Variants in GNPNAT1 observed in about 807,000 individuals in gnomAD.
GNPNAT1 encodes glucosamine 6-phosphate N-acetyltransferase.
In GNPNAT1, 11 loss-of-function variants were observed where a neutral mutation model predicts 19.8. That is an observed-to-expected ratio of 0.56 (90% CI 0.35 to 0.92). The LOEUF is 0.92. Among genes scored for constraint, GNPNAT1 ranks in the 40% least tolerant of loss-of-function variants. GNPNAT1 has a pLI of 0.01. For synonymous variants in GNPNAT1, 71 were observed against 72.3 expected (o/e 0.98, Z 0.09); for missense variants, 157 against 211.0 (o/e 0.74, Z 1.59).
Position 52,778,273 on chromosome 14 carries a change from G to T in GNPNAT1, c.*38C>A. 6.7e-7 allele frequency: 1 copy of T among 1,502,898 alleles called. No homozygotes were observed. The highest frequency in any genetic ancestry group is 9.0e-7 in the Non-Finnish European group (1 of 1,112,098). The allele number at this position is 1,502,898 out of a possible 1,614,324, so 93.1% of individuals were successfully genotyped here. Reference sequence around the variant, plus strand: ...TCAACTCTAGGAAGAGTGTAGCCTTGTAGCATTAGCCCCTTTGACAATTTT... The same window carrying T: ...TCAACTCTAGGAAGAGTGTAGCCTTTTAGCATTAGCCCCTTTGACAATTTT... On this transcript the variant is annotated 3_prime_UTR_variant, in exon 6 of 6. Coordinates refer to ENST00000216410, the MANE Select transcript of GNPNAT1 (RefSeq NM_198066.4).
chr14:52,780,305 C>CT (rs371973808), intron 5 of GNPNAT1, among the ~76,000 whole-genome samples: 259 of 152,218 alleles, frequency 1.7e-3, no homozygotes, highest in African/African-American at 6.0e-3. Flanking sequence ...TGTATTTCTA[C>CT]AACTTATGAG....
Position 52,777,418 on chromosome 14 carries a change from T to A in GNPNAT1, c.*893A>T, listed in dbSNP as rs367804416. 6.6e-6 allele frequency: 1 copy of A among 152,300 alleles called. No individual in the cohort carries two copies. Among genetic ancestry groups the A allele is most frequent in the Non-Finnish European group, 1.5e-5 (1 of 68,046 alleles). 9.4% of individuals were successfully genotyped at this position (152,300 alleles called of 1,614,324 possible). A position where few individuals can be genotyped will look rare whatever the true frequency, so the allele number is the denominator to read the frequency against. On this transcript the variant is annotated 3_prime_UTR_variant, in exon 6 of 6. Transcript: ENST00000216410. Reference sequence around the variant, plus strand: ...TCAAAAAGCTTCCATTAACATTTTATGAATTTGGCAATCTAGTACAATACA... The same window carrying A: ...TCAAAAAGCTTCCATTAACATTTTAAGAATTTGGCAATCTAGTACAATACA...
At chr14:52,778,489 G>T in intron 5 of GNPNAT1, 31 bp from the exon 6 acceptor site, 1 of 1,556,552 alleles carries the variant, frequency 6.4e-7, no homozygotes, top group South Asian at 1.2e-5. Flanking sequence ...AGGGTGAGGA[G>T]ATAGCATTTA....
Position 52,775,636 on chromosome 14 carries a change from T to TA in GNPNAT1, c.*2674dup, listed in dbSNP as rs1882688281. ...GGCCAGACACGGTAGCCGACATATGTAATCCCAGATACTCTGGAGGCTGAG... is the reference window on the plus strand; with the variant it reads ...GGCCAGACACGGTAGCCGACATATGTAAATCCCAGATACTCTGGAGGCTGAG... On this transcript the variant is annotated 3_prime_UTR_variant, in exon 6 of 6. Transcript: ENST00000216410. 1.3e-5 allele frequency: 2 copies of TA among 152,198 alleles called. No homozygotes were observed. The highest frequency in any genetic ancestry group is 4.1e-4 in the South Asian group (2 of 4,826). 9.4% of individuals were successfully genotyped at this position (152,198 alleles called of 1,614,324 possible).
intron 5 of GNPNAT1, among the ~76,000 whole-genome samples, chr14:52,779,724 TAAAAAA>T (rs35906707): frequency 1.6e-4 from 6 of 38,214 alleles, no homozygotes; most frequent in African/African-American, 2.3e-4. Flanking sequence ...TCCCATCTCT[TAAAAAA>T]AAAAAAAAAA....
intron 5 of GNPNAT1, among the ~76,000 whole-genome samples, chr14:52,778,892 A>C (rs1048569924): frequency 6.6e-6 from 1 of 152,072 alleles, no homozygotes; most frequent in South Asian, 2.1e-4. Flanking sequence ...GCACATGCCT[A>C]AAGTCGCAGC....
chr14:52,776,256 AAAAGTT>A lies in GNPNAT1; in HGVS notation c.*2049_*2054del, dbSNP rs1882716270. 1 of 152,194 alleles carries A rather than the reference AAAAGTT, an allele frequency of 6.6e-6. No individual in the cohort carries two copies. Among genetic ancestry groups the A allele is most frequent in the African/African-American group, 2.4e-5 (1 of 41,456 alleles). 9.4% of individuals were successfully genotyped at this position (152,194 alleles called of 1,614,324 possible). On this transcript the variant is annotated 3_prime_UTR_variant, in exon 6 of 6. Coordinates refer to ENST00000216410, the MANE Select transcript of GNPNAT1 (RefSeq NM_198066.4). Reference sequence around the variant, plus strand: ...CCACAAGGAGCAGTTTTTAAAAAAAAAAAGTTTAAGAAGTGTTTTATGTAGCACTTT... The same window carrying A: ...CCACAAGGAGCAGTTTTTAAAAAAAATAAGAAGTGTTTTATGTAGCACTTT...
chr14:52,776,261 T>C lies in GNPNAT1; in HGVS notation c.*2050A>G, dbSNP rs1370952801. 1 of 151,942 alleles carries C rather than the reference T, an allele frequency of 6.6e-6. No individual in the cohort carries two copies. Among genetic ancestry groups the C allele is most frequent in the African/African-American group, 2.4e-5 (1 of 41,352 alleles). 9.4% of individuals were successfully genotyped at this position (151,942 alleles called of 1,614,324 possible). ...AGGAGCAGTTTTTAAAAAAAAAAAGTTTAAGAAGTGTTTTATGTAGCACTT... is the reference window on the plus strand; with the variant it reads ...AGGAGCAGTTTTTAAAAAAAAAAAGCTTAAGAAGTGTTTTATGTAGCACTT... On this transcript the variant is annotated 3_prime_UTR_variant, in exon 6 of 6. Coordinates refer to ENST00000216410, the MANE Select transcript of GNPNAT1 (RefSeq NM_198066.4).
chr14:52,790,899 A>G (rs1883156131), intron 1 of GNPNAT1, among the ~76,000 whole-genome samples: 1 of 152,158 alleles, frequency 6.6e-6, no homozygotes, highest in Admixed American at 6.5e-5. Context: ...TAGGGGTAGG[A>G]GCCTAGGAAA....
rs1882751159 is a variant in GNPNAT1 at position 52,777,077 on chromosome 14, A to G, written c.*1234T>C. 6.6e-6 allele frequency: 1 copy of G among 152,282 alleles called. No individual in the cohort carries two copies. The highest frequency in any genetic ancestry group is 2.4e-5 in the African/African-American group (1 of 41,462). 9.4% of individuals were successfully genotyped at this position (152,282 alleles called of 1,614,324 possible). A position where few individuals can be genotyped will look rare whatever the true frequency, so the allele number is the denominator to read the frequency against. On this transcript the variant is annotated 3_prime_UTR_variant, in exon 6 of 6. Coordinates refer to ENST00000216410, the MANE Select transcript of GNPNAT1 (RefSeq NM_198066.4). ...TGGAAAGCCAACTATAGCTGGCTGCATGGAGGGAAATCCAAAATCCAGATG... is the reference window on the plus strand; with the variant it reads ...TGGAAAGCCAACTATAGCTGGCTGCGTGGAGGGAAATCCAAAATCCAGATG...
chr14:52,780,272 A>T (rs965654900), intron 5 of GNPNAT1, among the ~76,000 whole-genome samples: 6 of 152,250 alleles, frequency 3.9e-5, no homozygotes, highest in African/African-American at 1.2e-4. Flanking sequence ...ATTTAGATAT[A>T]TACAGTGAAG....
chr14:52,784,144 C>G (rs190981328), intron 2 of GNPNAT1, among the ~76,000 whole-genome samples: 8 of 152,164 alleles, frequency 5.3e-5, no homozygotes, highest in African/African-American at 1.9e-4. Flanking sequence ...GTATAAAAAC[C>G]CTTTCAATTT....
chr14:52,779,960 G>A (rs1013404135), intron 5 of GNPNAT1, among the ~76,000 whole-genome samples: 5 of 152,054 alleles, frequency 3.3e-5, no homozygotes, highest in African/African-American at 7.2e-5. Flanking sequence ...GCCAAGGCAG[G>A]AGCACTGTTT....
chr14:52,779,724 T>TAAAAAAA (rs35906707), intron 5 of GNPNAT1, among the ~76,000 whole-genome samples: 2 of 38,212 alleles, frequency 5.2e-5, no homozygotes, highest in Non-Finnish European at 8.4e-5. Flanking sequence ...TCCCATCTCT[T>TAAAAAAA]AAAAAAAAAA....
chr14:52,781,528 A>G (rs1249596010), intron 4 of GNPNAT1, among the ~76,000 whole-genome samples: 4 of 152,068 alleles, frequency 2.6e-5, no homozygotes, highest in African/African-American at 9.7e-5. Flanking sequence ...AAAGAGTAAC[A>G]TTAGGGATTT....
At chr14:52,782,163 C>T (rs1882908244) in intron 3 of GNPNAT1, among the ~76,000 whole-genome samples, 1 of 152,008 alleles carries the variant, frequency 6.6e-6, no homozygotes, top group Non-Finnish European at 1.5e-5. Context: ...TTTAGATGAA[C>T]AACACTTAAA....
Position 52,778,303 on chromosome 14 carries a change from C to A in GNPNAT1, c.*8G>T, listed in dbSNP as rs558825514. On this transcript the variant is annotated 3_prime_UTR_variant, in exon 6 of 6. Transcript: ENST00000216410. Reference sequence around the variant, plus strand: ...ATTAGCCCCTTTGACAATTTTCTTACAAGATTTTTACTTTAGAAACCTCCG... The same window carrying A: ...ATTAGCCCCTTTGACAATTTTCTTAAAAGATTTTTACTTTAGAAACCTCCG... 830 of 1,574,282 alleles carry A rather than the reference C, an allele frequency of 5.3e-4. 15 individuals carry two copies. The South Asian group carries it at 9.2e-3, about 17-fold the overall frequency.
At chr14:52,785,985 G>A (rs530012665) in intron 1 of GNPNAT1, among the ~76,000 whole-genome samples, 405 of 149,440 alleles carry the variant, frequency 2.7e-3, no homozygotes, top group Non-Finnish European at 4.5e-3. Context: ...TCCTGACCTC[G>A]GGTGATTCGC....
At chr14:52,786,989 C>A (rs1883038375) in intron 1 of GNPNAT1, among the ~76,000 whole-genome samples, 1 of 147,080 alleles carries the variant, frequency 6.8e-6, no homozygotes, top group Non-Finnish European at 1.5e-5. Flanking sequence ...ACAGATAGCA[C>A]AAATATTTTA....
Sources: gnomAD v4.1 joint callset for allele counts (sites outside exome capture counted in the v4.1 genomes callset) on GRCh38, gnomAD v4.1.1 for gene constraint, MANE v1.5 for transcripts, NCBI Gene and HGNC (gene_info 2026-07-23, HGNC 2026-07-21) for gene names.